The following CACNA2D3 variants were observed in gnomAD, a reference collection of about 807,000 sequenced individuals.
CACNA2D3 encodes the protein voltage-dependent calcium channel subunit alpha-2/delta-3.
In CACNA2D3, 60 loss-of-function variants were observed where a neutral mutation model predicts 160.6. The ratio of observed to expected loss-of-function variants is 0.37; its 90% CI spans 0.30 to 0.46. The LOEUF (loss-of-function observed/expected upper bound fraction) is 0.46, where lower values mean the gene tolerates loss of function less well. CACNA2D3 is among the 20% of genes least tolerant of loss of function. The pLI, the probability that CACNA2D3 is intolerant of heterozygous loss-of-function variation, is 1.00. For synonymous variants in CACNA2D3, 558 were observed against 492.9 expected (o/e 1.13, Z -1.75); for missense variants, 1,205 against 1,365.0 (o/e 0.88, Z 1.85).
chr3:55,043,146 G>A (rs1011231958), intron 35 of CACNA2D3, among the ~76,000 whole-genome samples: 5 of 152,208 alleles, frequency 3.3e-5, no homozygotes, highest in Non-Finnish European at 5.9e-5. Flanking sequence ...TGGATTGTGT[G>A]GGAAATGTGT....
chr3:54,837,048 T>C (rs1698707085), intron 14 of CACNA2D3, 111 bp from the exon 15 acceptor site: 2 of 881,880 alleles, frequency 2.3e-6, no homozygotes, highest in South Asian at 1.4e-5. Context: ...GTGGGCACTG[T>C]TCCATCTCAA....
intron 2 of CACNA2D3, among the ~76,000 whole-genome samples, chr3:54,216,060 C>A (rs905233367): frequency 6.6e-6 from 1 of 152,008 alleles, no homozygotes; most frequent in Non-Finnish European, 1.5e-5. Flanking sequence ...TGTTCTTGAG[C>A]GGCTGAGCCC....
chr3:54,918,440 C>T, intron 27 of CACNA2D3: 1 of 1,590,874 alleles, frequency 6.3e-7, no homozygotes, highest in South Asian at 1.1e-5. Flanking sequence ...ATGACCAATC[C>T]TATTTGAGAC....
chr3:54,348,194 C>A (rs541951417), intron 3 of CACNA2D3, among the ~76,000 whole-genome samples: 1 of 152,062 alleles, frequency 6.6e-6, no homozygotes, highest in African/African-American at 2.4e-5. Flanking sequence ...AACCACAGAC[C>A]CCTTTGCTGC....
intron 5 of CACNA2D3, among the ~76,000 whole-genome samples, chr3:54,530,420 T>G (rs966008330): frequency 6.6e-6 from 1 of 152,120 alleles, no homozygotes; most frequent in Non-Finnish European, 1.5e-5. Context: ...GGGAAAGGAC[T>G]GTGTTTTTCC....
intron 10 of CACNA2D3, among the ~76,000 whole-genome samples, chr3:54,630,888 GAATA>G (rs755385986): frequency 1.3e-4 from 20 of 152,044 alleles, no homozygotes; most frequent in Non-Finnish European, 2.4e-4. Context: ...GCAAAAAGCC[GAATA>G]AATGTTTTTT....
At chr3:54,479,456 A>G (rs915224379) in intron 4 of CACNA2D3, among the ~76,000 whole-genome samples, 6 of 152,238 alleles carry the variant, frequency 3.9e-5, no homozygotes, top group Non-Finnish European at 5.9e-5. Context: ...AATTGATCAT[A>G]GCAGAAGAAA....
At chr3:54,166,735 A>T (rs1700465195) in intron 2 of CACNA2D3, among the ~76,000 whole-genome samples, 1 of 152,240 alleles carries the variant, frequency 6.6e-6, no homozygotes, top group African/African-American at 2.4e-5. Context: ...AGATAACTTT[A>T]TGAACCTTTT....
At chr3:54,406,938 T>C (rs1699587741) in intron 4 of CACNA2D3, among the ~76,000 whole-genome samples, 1 of 152,114 alleles carries the variant, frequency 6.6e-6, no homozygotes, top group Non-Finnish European at 1.5e-5. Context: ...TGCAATAACA[T>C]TTATTTTTTA....
chr3:54,436,865 C>G (rs1400892024), intron 4 of CACNA2D3, among the ~76,000 whole-genome samples: 1 of 152,062 alleles, frequency 6.6e-6, no homozygotes, highest in East Asian at 1.9e-4. Flanking sequence ...TTGATACATG[C>G]AGCAAACCAC....
At chr3:54,696,304 T>C (rs1363069563) in intron 11 of CACNA2D3, among the ~76,000 whole-genome samples, 1 of 152,148 alleles carries the variant, frequency 6.6e-6, no homozygotes, top group Non-Finnish European at 1.5e-5. Flanking sequence ...GGTCCCCCCA[T>C]TCCAGCAGCA....
chr3:54,618,375 G>GCACACACACACACACACACACA lies in CACNA2D3; in HGVS notation c.964-9395_964-9374dup, dbSNP rs56788185. 1.7e-4 allele frequency among the ~76,000 whole-genome samples: 20 copies of GCACACACACACACACACACACA among 115,514 alleles called. 1 individual carries two copies. The highest frequency in any genetic ancestry group is 5.8e-4 in the African/African-American group (17 of 29,354). The allele number at this position is 115,514 out of a possible 152,430, so 75.8% of individuals were successfully genotyped here. A position where few individuals can be genotyped will look rare whatever the true frequency, so the allele number is the denominator to read the frequency against. On this transcript the variant is annotated intron_variant, in intron 9 of 37. Transcript: ENST00000474759. ...TACATATATATATATATATATATAT[G>GCACACACACACACACACACACA]CACACACACACACACACACACACAC...
At chr3:54,925,165 T>C in intron 27 of CACNA2D3, 1 of 1,614,074 alleles carries the variant, frequency 6.2e-7, no homozygotes, top group Non-Finnish European at 8.5e-7. Flanking sequence ...TCCGGGCAGC[T>C]GCATACCACC....
intron 11 of CACNA2D3, among the ~76,000 whole-genome samples, chr3:54,663,876 T>G (rs1700016090): frequency 6.6e-6 from 1 of 152,216 alleles, no homozygotes; most frequent in Non-Finnish European, 1.5e-5. Context: ...TGCCTGTGTT[T>G]TCCCTTCTTG....
chr3:54,618,350 TAC>T (rs1698900498), intron 9 of CACNA2D3, among the ~76,000 whole-genome samples: 1 of 19,518 alleles, frequency 5.1e-5, no homozygotes, highest in African/African-American at 1.3e-4. Flanking sequence ...TGTTGATACA[TAC>T]ATATATATAT....
At chr3:54,532,893 G>A (rs1373973780) in intron 5 of CACNA2D3, among the ~76,000 whole-genome samples, 1 of 152,114 alleles carries the variant, frequency 6.6e-6, no homozygotes, top group Non-Finnish European at 1.5e-5. Context: ...TTCCATAGAG[G>A]TTGTACTACT....
At chr3:54,807,204 G>C (rs1429470218) in intron 13 of CACNA2D3, among the ~76,000 whole-genome samples, 3 of 152,172 alleles carry the variant, frequency 2.0e-5, no homozygotes, top group African/African-American at 7.2e-5. Flanking sequence ...ATTGACAAAT[G>C]GGATCTAACT....
In CACNA2D3 at chr3:54,794,242, T is replaced by A. The variant is rs1428938101; in HGVS notation, c.1381-22611T>A. On this transcript the variant is annotated intron_variant, in intron 13 of 37. Transcript: ENST00000474759. ...ATAATAGCTACACCTCTTAGTTGTT[T>A]CTTTTGAGTGATTGTTAATTATTTG... 3.3e-5 allele frequency among the ~76,000 whole-genome samples: 5 copies of A among 152,174 alleles called. 1 individual carries two copies. The highest frequency in any genetic ancestry group is 7.4e-5 in the Non-Finnish European group (5 of 68,024).
intron 3 of CACNA2D3, among the ~76,000 whole-genome samples, chr3:54,347,373 G>C (rs1038584416): frequency 2.6e-5 from 4 of 152,174 alleles, no homozygotes; most frequent in African/African-American, 9.7e-5. Flanking sequence ...TGCTCTTTGG[G>C]AGTATAGGGG....
Sources: gnomAD v4.1 joint callset for allele counts (sites outside exome capture counted in the v4.1 genomes callset) on GRCh38, gnomAD v4.1.1 for gene constraint, MANE v1.5 for transcripts, NCBI Gene and HGNC (gene_info 2026-07-23, HGNC 2026-07-21) for gene names.